The following SORCS3 variants were observed in gnomAD, a reference collection of about 807,000 sequenced individuals.
The protein encoded by SORCS3 is sortilin related VPS10 domain containing receptor 3.
A neutral mutation model predicts 146.3 loss-of-function variants in SORCS3; 57 were observed. The observed-to-expected ratio is 0.39, with a 90% CI of 0.31 to 0.49. The LOEUF is 0.49. SORCS3 is among the 20% of genes least tolerant of loss of function. The pLI is 0.92. For synonymous variants in SORCS3, 653 were observed against 618.5 expected (o/e 1.06, Z -0.83); for missense variants, 1,341 against 1,575.5 (o/e 0.85, Z 2.52).
intron 1 of SORCS3, among the ~76,000 whole-genome samples, chr10:104,790,152 G>A (rs2017479852): frequency 6.6e-6 from 1 of 152,198 alleles, no homozygotes; most frequent in South Asian, 2.1e-4. Context: ...ATAACATGAT[G>A]CAGCAGACCC....
intron 20 of SORCS3, among the ~76,000 whole-genome samples, chr10:105,236,389 G>A (rs958987110): frequency 2.6e-5 from 4 of 152,120 alleles, no homozygotes; most frequent in Admixed American, 1.3e-4. Flanking sequence ...TCAAAGACCA[G>A]CAGATATACA....
At chr10:104,835,343 G>T (rs1470962566) in intron 1 of SORCS3, among the ~76,000 whole-genome samples, 1 of 152,174 alleles carries the variant, frequency 6.6e-6, no homozygotes, top group African/African-American at 2.4e-5. Flanking sequence ...AAGAAAGTCA[G>T]TGAGTCCTAT....
intron 3 of SORCS3, among the ~76,000 whole-genome samples, chr10:104,965,769 A>G (rs972909242): frequency 1.3e-5 from 2 of 151,844 alleles, no homozygotes; most frequent in Middle Eastern, 3.4e-3. Flanking sequence ...TTTAAATAGG[A>G]TTGTTTTCTT....
intron 20 of SORCS3, 121 bp downstream of exon 20, chr10:105,223,370 A>G (rs912762709): frequency 6.2e-6 from 6 of 968,450 alleles, no homozygotes; most frequent in Middle Eastern, 2.3e-4. Flanking sequence ...TAATAAACCT[A>G]TGAGCCCACA....
intron 2 of SORCS3, among the ~76,000 whole-genome samples, chr10:104,910,341 A>G (rs2018954016): frequency 6.6e-6 from 1 of 152,202 alleles, no homozygotes; most frequent in Non-Finnish European, 1.5e-5. Context: ...CAGAGACGTC[A>G]CCCCAGAAAA....
chr10:104,654,453 C>G (rs1250346327), intron 1 of SORCS3, among the ~76,000 whole-genome samples: 1 of 152,182 alleles, frequency 6.6e-6, no homozygotes, highest in South Asian at 2.1e-4. Flanking sequence ...TCTCCATGTC[C>G]TCACCAGCAT....
intron 2 of SORCS3, among the ~76,000 whole-genome samples, chr10:104,864,175 A>G (rs1431943655): frequency 6.6e-6 from 1 of 152,200 alleles, no homozygotes; most frequent in African/African-American, 2.4e-5. Flanking sequence ...ATAGGGATGT[A>G]GTATGGTTTT....
intron 1 of SORCS3, among the ~76,000 whole-genome samples, chr10:104,698,038 A>G (rs1464280607): frequency 6.6e-6 from 1 of 152,170 alleles, no homozygotes; most frequent in Non-Finnish European, 1.5e-5. Context: ...TATATTACCA[A>G]ATGTTCAGAG....
rs554166923 is a variant in SORCS3, at chr10:105,090,824, A to G, written c.1093+985A>G. Among the ~76,000 whole-genome samples the G allele has an allele frequency of 5.8e-4, 88 of 152,246 alleles. 1 individual carries two copies. Among genetic ancestry groups the G allele is most frequent in the Admixed American group, 1.1e-3 (17 of 15,298 alleles). ...TAGAAGATGAATATTAGAGAAACTG[A>G]AAAATGTTGTATAAATGGAAGGCGA... On this transcript the variant is annotated intron_variant, in intron 6 of 26. Transcript: ENST00000369701.
At chr10:104,701,031 T>A (rs529631656) in intron 1 of SORCS3, among the ~76,000 whole-genome samples, 4 of 152,346 alleles carry the variant, frequency 2.6e-5, no homozygotes, top group Middle Eastern at 3.4e-3. Flanking sequence ...CAGAATTTAA[T>A]TCGTGGAAAG....
chr10:105,090,847 C>T (rs1369838511), intron 6 of SORCS3, among the ~76,000 whole-genome samples: 5 of 152,178 alleles, frequency 3.3e-5, no homozygotes, highest in South Asian at 4.1e-4. Flanking sequence ...AAATGGAAGG[C>T]GATTCTGTTT....
chr10:104,744,914 A>G (rs1171774622), intron 1 of SORCS3, among the ~76,000 whole-genome samples: 2 of 152,252 alleles, frequency 1.3e-5, no homozygotes, highest in African/African-American at 2.4e-5. Flanking sequence ...GCATTAATCA[A>G]TGGCAAATTA....
intron 2 of SORCS3, among the ~76,000 whole-genome samples, chr10:104,865,577 C>T (rs182152363): frequency 6.6e-6 from 1 of 152,230 alleles, no homozygotes; most frequent in East Asian, 1.9e-4. Flanking sequence ...TCAAAAGATC[C>T]CAAGAGTCCA....
intron 12 of SORCS3, among the ~76,000 whole-genome samples, chr10:105,165,715 G>T (rs542141516): frequency 6.6e-6 from 1 of 152,008 alleles, no homozygotes; most frequent in South Asian, 2.1e-4. Flanking sequence ...AACTCATCTG[G>T]TAAAAAAAAT....
At chr10:105,253,359 T>C (rs890128999) in intron 23 of SORCS3, among the ~76,000 whole-genome samples, 29 of 152,242 alleles carry the variant, frequency 1.9e-4, no homozygotes, top group African/African-American at 6.8e-4. Context: ...GAAAATGAAC[T>C]GCCTTCAAAC....
chr10:105,251,456 C>T (rs933505124), intron 22 of SORCS3, among the ~76,000 whole-genome samples: 1 of 152,050 alleles, frequency 6.6e-6, no homozygotes, highest in Non-Finnish European at 1.5e-5. Context: ...GAAAAGACTA[C>T]ACCAGACAGA....
intron 2 of SORCS3, among the ~76,000 whole-genome samples, chr10:104,908,190 C>G (rs1015868805): frequency 6.6e-6 from 1 of 152,142 alleles, no homozygotes; most frequent in Non-Finnish European, 1.5e-5. Context: ...GTGGGTGCTC[C>G]CCAAGGCCTG....
intron 4 of SORCS3, among the ~76,000 whole-genome samples, chr10:104,992,447 G>A (rs2055000038): frequency 6.6e-6 from 1 of 152,152 alleles, no homozygotes; most frequent in South Asian, 2.1e-4. Flanking sequence ...TTCTCCCTTT[G>A]TATTTGAAAA....
intron 7 of SORCS3, among the ~76,000 whole-genome samples, chr10:105,123,956 A>G (rs1174506519): frequency 6.6e-6 from 1 of 152,224 alleles, no homozygotes; most frequent in Non-Finnish European, 1.5e-5. Flanking sequence ...ATATAAAAAC[A>G]TAAAAGACAA....
Sources: allele counts gnomAD v4.1 joint callset (sites outside exome capture counted in the v4.1 genomes callset), GRCh38; gene constraint gnomAD v4.1.1; transcripts MANE v1.5; gene names NCBI Gene and HGNC (gene_info 2026-07-23, HGNC 2026-07-21).